NPHP4: variants seen among roughly 807,000 people sequenced by gnomAD.
NPHP4 encodes the protein nephrocystin-4.
Under a neutral mutation model 155.8 loss-of-function variants are expected in NPHP4, and 151 were observed. That is an observed-to-expected ratio of 0.97 (90% confidence interval 0.85 to 1.11). The LOEUF (loss-of-function observed/expected upper bound fraction) is 1.11. Among genes scored for constraint, NPHP4 ranks in the 50% least tolerant of loss-of-function variants. NPHP4 has a pLI of 0.00. For missense variants in NPHP4, 1,956 were observed against 1,925.7 expected, an observed-to-expected ratio of 1.02 and a Z score of -0.29; for synonymous variants, 845 against 816.8, an observed-to-expected ratio of 1.03 and a Z score of -0.59.
chr1:5,949,972 A>G (rs990056928), intron 7 of NPHP4, among the ~76,000 whole-genome samples: 1 of 152,184 alleles, frequency 6.6e-6, no homozygotes, highest in African/African-American at 2.4e-5. Context: ...ATGAGAAGCC[A>G]GCAGCAGGTT....
chr1:5,900,490 G>C (rs116336807), intron 16 of NPHP4, among the ~76,000 whole-genome samples: 4,403 of 152,232 alleles, frequency 0.029, 219 homozygotes, highest in African/African-American at 0.1. Flanking sequence ...CCAGCTGTAT[G>C]ACATTCTGGA....
chr1:5,901,094 T>C (rs1013989039), intron 16 of NPHP4, among the ~76,000 whole-genome samples: 1 of 151,706 alleles, frequency 6.6e-6, no homozygotes, highest in South Asian at 2.1e-4. Context: ...ATGTTAGTAA[T>C]AGGGGAAACT....
At chr1:5,934,328 A>C (rs1045495240) in intron 9 of NPHP4, among the ~76,000 whole-genome samples, 1 of 152,174 alleles carries the variant, frequency 6.6e-6, no homozygotes, top group African/African-American at 2.4e-5. Flanking sequence ...TCCTAAGATC[A>C]CAGCTGCACT....
intron 6 of NPHP4, among the ~76,000 whole-genome samples, chr1:5,953,619 C>G (rs959430473): frequency 1.3e-5 from 2 of 152,236 alleles, no homozygotes; most frequent in Non-Finnish European, 2.9e-5. Context: ...CAGCAAAATA[C>G]AGCCTGAACG....
intron 9 of NPHP4, among the ~76,000 whole-genome samples, chr1:5,938,191 T>C (rs1646643324): frequency 6.6e-6 from 1 of 152,224 alleles, no homozygotes; most frequent in African/African-American, 2.4e-5. Context: ...GGGCACGGGC[T>C]GAGGGCAAGT....
At chr1:5,984,936 C>G (rs1655244241) in intron 2 of NPHP4, among the ~76,000 whole-genome samples, 1 of 152,210 alleles carries the variant, frequency 6.6e-6, no homozygotes, top group African/African-American at 2.4e-5. Flanking sequence ...TCTTAATTAG[C>G]AGGTGCTGCT....
At chr1:5,919,907 T>C (rs1490766350) in intron 11 of NPHP4, among the ~76,000 whole-genome samples, 1 of 152,068 alleles carries the variant, frequency 6.6e-6, no homozygotes, top group Non-Finnish European at 1.5e-5. Flanking sequence ...ACCCAGCTAC[T>C]GCATGCATTT....
At chr1:5,869,375 CAT>C (rs969723815) in intron 23 of NPHP4, among the ~76,000 whole-genome samples, 3 of 152,164 alleles carry the variant, frequency 2.0e-5, no homozygotes, top group Admixed American at 6.5e-5. Context: ...TGCACACACA[CAT>C]GCACACACTT....
Position 5,867,280 on chromosome 1 carries a change from A to G in NPHP4, c.3473-165T>C, listed in dbSNP as rs962528509. 8.5e-5 allele frequency: 52 copies of G among 611,100 alleles called. No individual in the cohort carries two copies. Among genetic ancestry groups the G allele is most frequent in the Non-Finnish European group, 1.3e-4 (43 of 341,902 alleles). The allele number at this position is 611,100 out of a possible 1,614,324, so 37.9% of individuals were successfully genotyped here. A position where few individuals can be genotyped will look rare whatever the true frequency, so the allele number is the denominator to read the frequency against. ...GCCACCTTTCCCAGGACAGCATCCA[A>G]GCACTGTGTTCCCTGCATGGACACC... is the stretch of plus-strand genomic sequence containing the variant. On this transcript the variant is annotated intron_variant, in intron 24 of 29. Coordinates refer to ENST00000378156, the MANE Select transcript of NPHP4 (RefSeq NM_015102.5). The surrounding 1 kb of genome is among the most constrained non-coding windows in gnomAD (Gnocchi z 4.1).
chr1:5,886,252 T>C (rs957079305), intron 18 of NPHP4, among the ~76,000 whole-genome samples: 1 of 152,240 alleles, frequency 6.6e-6, no homozygotes, highest in African/African-American at 2.4e-5. Flanking sequence ...GTGTCCATAT[T>C]GTCTATTTAC....
rs565783702 is a variant in NPHP4 at position 5,944,018 on chromosome 1, C to T, written c.1119+3086G>A. Among the ~76,000 whole-genome samples the T allele has an allele frequency of 6.6e-6, 1 of 151,974 alleles. No individual in the cohort carries two copies. Among genetic ancestry groups the T allele is most frequent in the East Asian group, 1.9e-4 (1 of 5,176 alleles). ...TTCTCCACTGTTAGCTTTGAAATTTCCCAAAATAAAAAAGTTTTTAAAAAA... is the reference window on the plus strand; with the variant it reads ...TTCTCCACTGTTAGCTTTGAAATTTTCCAAAATAAAAAAGTTTTTAAAAAA... On this transcript the variant is annotated intron_variant, in intron 9 of 29. Transcript: ENST00000378156. This position sits in a 1 kb window ranked among gnomAD's most constrained non-coding sequence, Gnocchi z 4.3.
At position 5,863,339 on chromosome 1, in the gene NPHP4, C is replaced by A; in HGVS notation, c.4207G>T (p.Glu1403Ter). 6.2e-7 allele frequency: 1 copy of A among 1,613,928 alleles called. No individual in the cohort carries two copies. Among genetic ancestry groups the A allele is most frequent in the Non-Finnish European group, 8.5e-7 (1 of 1,179,792 alleles). Reference sequence around the variant, plus strand: ...TGGTCATTGATGTAGATCAGGATCTCCTCCTCACCCACTCTCTGACTAGGC... The same window carrying A: ...TGGTCATTGATGTAGATCAGGATCTACTCCTCACCCACTCTCTGACTAGGC... ...FAPSQRVGEE[E>*]ILIYINDHED... is the part of the protein sequence containing the mutation. Residue 1403 changes from glutamate to a stop codon, truncating the protein, a stop_gained, in exon 30 of 30, where the codon GAG (glutamate) becomes TAG (stop). Transcript: ENST00000378156. LOFTEE classifies it high-confidence loss of function.
intron 3 of NPHP4, 89 bp from the exon 4 acceptor site, chr1:5,969,348 C>T: frequency 1.3e-6 from 1 of 743,402 alleles, no homozygotes; most frequent in South Asian, 2.5e-5. Context: ...AGACCGCCTT[C>T]CTACACGTGC....
chr1:5,919,611 CTAAAGTGTTTGCAGAATGGCTAAGA>C (rs1645637222), intron 11 of NPHP4, among the ~76,000 whole-genome samples: 1 of 152,192 alleles, frequency 6.6e-6, no homozygotes, highest in Admixed American at 6.5e-5. Flanking sequence ...TCAGCATGCC[CTAAAGTGTTTGCAGAATGGCTAAGA>C]TAAAATGGTA....
At chr1:5,980,473 A>G (rs1442811660) in intron 2 of NPHP4, among the ~76,000 whole-genome samples, 3 of 152,208 alleles carry the variant, frequency 2.0e-5, no homozygotes, top group Admixed American at 6.5e-5. Context: ...CACTCCAATC[A>G]TGCAGGGAGG....
At chr1:5,894,602 G>GC in intron 16 of NPHP4, among the ~76,000 whole-genome samples, 1 of 151,916 alleles carries the variant, frequency 6.6e-6, no homozygotes, top group East Asian at 1.9e-4. Flanking sequence ...CAATCTTAAG[G>GC]CAGTAATCAC....
At chr1:5,940,143 C>A (rs1445488240) in intron 9 of NPHP4, among the ~76,000 whole-genome samples, 1 of 152,150 alleles carries the variant, frequency 6.6e-6, no homozygotes, top group East Asian at 1.9e-4. Context: ...GAAATTTAAT[C>A]CCCAACAAAC....
At chr1:5,975,939 C>A (rs1166514497) in intron 3 of NPHP4, among the ~76,000 whole-genome samples, 3 of 152,200 alleles carry the variant, frequency 2.0e-5, no homozygotes, top group African/African-American at 7.2e-5. Context: ...CTGGCCTGCG[C>A]AGCACGGATC....
At chr1:5,988,664 G>A (rs1302682769) in intron 1 of NPHP4, among the ~76,000 whole-genome samples, 1 of 152,228 alleles carries the variant, frequency 6.6e-6, no homozygotes, top group Non-Finnish European at 1.5e-5. Context: ...GTTTGAGAAG[G>A]GTTGTGCTAA....
Sources: gnomAD v4.1 joint callset for allele counts (sites outside exome capture counted in the v4.1 genomes callset) on GRCh38, gnomAD v4.1.1 for gene constraint, Gnocchi (gnomAD v3.1) non-coding constraint, MANE v1.5 for transcripts, NCBI Gene and HGNC (gene_info 2026-07-23, HGNC 2026-07-21) for gene names.